Variants in STAT2 observed in about 807,000 individuals in gnomAD.
STAT2 encodes signal transducer and activator of transcription 2, also known as interferon alpha induced transcriptional activator.
Under a neutral mutation model 122.3 loss-of-function variants are expected in STAT2, and 51 were observed. That is an observed-to-expected ratio of 0.42 (90% CI 0.33 to 0.53). The LOEUF is 0.53. Among genes scored for constraint, STAT2 ranks in the 20% least tolerant of loss-of-function variants. The probability of loss-of-function intolerance (pLI) is 0.10; values close to 1 mark genes in which losing one functional copy is unlikely to be tolerated. For synonymous variants in STAT2, 351 were observed against 394.9 expected, an observed-to-expected ratio of 0.89 and a Z score of 1.32; for missense variants, 736 against 1,010.3, an observed-to-expected ratio of 0.73 and a Z score of 3.68.
At chr12:56,349,738 C>T in intron 13 of STAT2, 102 bp from the exon 14 acceptor site, 1 of 1,469,068 alleles carries the variant, frequency 6.8e-7, no homozygotes, top group Middle Eastern at 1.8e-4. Context: ...GGAACTTCCC[C>T]CAACCCCTGT....
intron 23 of STAT2, 55 bp from the exon 24 acceptor site, chr12:56,343,586 C>T: frequency 6.3e-7 from 1 of 1,586,160 alleles, no homozygotes; most frequent in East Asian, 2.2e-5. Flanking sequence ...AGTTCCCAAC[C>T]CAGCAGGGAA....
At chr12:56,357,026 ATTTT>A (rs34402362) in intron 1 of STAT2, among the ~76,000 whole-genome samples, 9,513 of 66,388 alleles carry the variant, frequency 0.14, 1,755 homozygotes, top group African/African-American at 0.47. Context: ...CCTAATCTGT[ATTTT>A]TTTTTTTTTT....
intron 1 of STAT2, among the ~76,000 whole-genome samples, chr12:56,357,085 G>A (rs1373110841): frequency 2.0e-5 from 3 of 146,482 alleles, no homozygotes; most frequent in African/African-American, 5.1e-5. Flanking sequence ...TGCCTGGGCC[G>A]GAGTGAAGTG....
rs1877915798 is a variant in STAT2, at chr12:56,348,623, G to A, written c.1630C>T (p.Arg544Ter). The A allele has an allele frequency of 6.2e-7, 1 of 1,614,182 alleles. No homozygotes were observed. Among genetic ancestry groups the A allele is most frequent in the Non-Finnish European group, 8.5e-7 (1 of 1,180,046 alleles). ...PLLSWADFTK[R>*]ESPPGKLPFW... ...GGTAACTTGCCAGGAGGGCTCTCTC[G>A]CTGGAGGAGGAATGGAAAGGTAGCA... The change falls in exon 19 of 24, where the codon CGA (arginine) becomes TGA (stop). Residue 544 changes from arginine (R) to a stop codon, truncating the protein, a stop_gained and splice_region_variant. Transcript: ENST00000314128. LOFTEE classifies it high-confidence loss of function.
In STAT2 at chr12:56,353,348, G is replaced by T. The variant is rs910837093; in HGVS notation, c.782+1118C>A. On this transcript the variant is annotated intron_variant, in intron 8 of 23. Coordinates refer to ENST00000314128, the MANE Select transcript of STAT2 (RefSeq NM_005419.4). Reference sequence around the variant, plus strand: ...GGGTCTTGTTATGTTTCCCGGGCTGGTCTCAAACCCCAAGACTGAAGTGAT... The same window carrying T: ...GGGTCTTGTTATGTTTCCCGGGCTGTTCTCAAACCCCAAGACTGAAGTGAT... 1.1e-4 allele frequency among the ~76,000 whole-genome samples: 17 copies of T among 150,494 alleles called. No homozygotes were observed. The East Asian group carries it at 2.1e-3, about 19-fold the overall frequency.
At chr12:56,349,401 C>T in intron 15 of STAT2, 25 bp downstream of exon 15, 1 of 1,614,184 alleles carries the variant, frequency 6.2e-7, no homozygotes, top group Non-Finnish European at 8.5e-7. Flanking sequence ...TGCTTTCTCT[C>T]TCCTTGCCCT....
At chr12:56,351,499 C>T in intron 8 of STAT2, 49 bp from the exon 9 acceptor site, 2 of 1,581,824 alleles carry the variant, frequency 1.3e-6, no homozygotes, top group Non-Finnish European at 1.7e-6. Context: ...TCCTGGATTC[C>T]CCCATCCAGG....
intron 22 of STAT2, among the ~76,000 whole-genome samples, chr12:56,345,295 G>C (rs1877208771): frequency 6.7e-6 from 1 of 149,296 alleles, no homozygotes; most frequent in African/African-American, 2.5e-5. Context: ...TTCAAGACCA[G>C]CCTGGGCAAC....
Position 56,343,440 on chromosome 12 carries a change from G to C in STAT2, c.2505C>G (p.Ser835=), listed in dbSNP as rs757860633. 6.2e-7 allele frequency: 1 copy of C among 1,614,104 alleles called. No individual in the cohort carries two copies. The highest frequency in any genetic ancestry group is 8.5e-7 in the Non-Finnish European group (1 of 1,179,998). Residue 835 remains serine (S), a synonymous_variant, in exon 24 of 24, where the codon TCC becomes TCG. Transcript: ENST00000314128. ...CATCAGTGTAGAAGTGGCTGGGGCG[G>C]GAGACGTAAACCTCATCCACGGTGT... ...GQNTVDEVYV[S]RPSHFYTDGP...
Position 56,360,003 on chromosome 12 carries a change from G to T in STAT2, c.-8+55C>A, listed in dbSNP as rs2136105784. ...GGGGCCAGTCGCCCTTCCCTCGGAG[G>T]AACTCTCACTCTCACCCCCACCCCT... On this transcript the variant is annotated intron_variant, in intron 1 of 23. Transcript: ENST00000314128. The T allele has an allele frequency of 5.1e-6, 5 of 975,802 alleles. No homozygotes were observed. In the South Asian group the frequency reaches 2.4e-4, roughly 46 times the overall value. The allele number at this position is 975,802 out of a possible 1,614,324, so 60.4% of individuals were successfully genotyped here. A position where few individuals can be genotyped will look rare whatever the true frequency, so the allele number is the denominator to read the frequency against.
In STAT2 at chr12:56,351,459, T is replaced by G. The variant is rs1306225764; in HGVS notation, c.783-9A>C. 1.2e-6 allele frequency: 2 copies of G among 1,610,972 alleles called. No individual in the cohort carries two copies. The highest frequency in any genetic ancestry group is 2.2e-5 in the South Asian group (2 of 90,640). On this transcript the variant is annotated splice_polypyrimidine_tract_variant and intron_variant, in intron 8 of 23. Coordinates refer to ENST00000314128, the MANE Select transcript of STAT2 (RefSeq NM_005419.4). Reference sequence around the variant, plus strand: ...TTGCTCCAGCTGTGAACCTGGGTGATAAAATTCAGGAAGAAGGAATCCATG... The same window carrying G: ...TTGCTCCAGCTGTGAACCTGGGTGAGAAAATTCAGGAAGAAGGAATCCATG...
Position 56,344,092 on chromosome 12 carries a change from G to C in STAT2, c.2146C>G (p.Pro716Ala), listed in dbSNP as rs756049228. ...TCCAGCTCTAATGACTCCAGCTCTG[G>C]CTCTGGCTTAAGCTCCAGCGGTTGT... Reference protein sequence around the residue: ...LQQPLELKPEPELESLELELG... With the variant: ...LQQPLELKPEAELESLELELG... Residue 716 changes from proline to alanine, a missense_variant, in exon 23 of 24, where the codon CCA becomes GCA. Transcript: ENST00000314128. 6.3e-7 allele frequency: 1 copy of C among 1,582,734 alleles called. No individual in the cohort carries two copies. The highest frequency in any genetic ancestry group is 1.9e-5 in the Admixed American group (1 of 53,966).
intron 13 of STAT2, 166 bp downstream of exon 13, chr12:56,349,931 C>T (rs1878179925): frequency 4.4e-6 from 3 of 684,176 alleles, no homozygotes; most frequent in Admixed American, 2.7e-5. Context: ...TGCCTATAGT[C>T]TCAGCTACTC....
At chr12:56,349,678 C>A in intron 13 of STAT2, 42 bp from the exon 14 acceptor site, 2 of 1,613,582 alleles carry the variant, frequency 1.2e-6, no homozygotes. Context: ...AGAGTGGGCA[C>A]CCTAGTGTCC....
At chr12:56,349,326 G>A (rs748439193) in intron 15 of STAT2, 65 bp from the exon 16 acceptor site, 1 of 1,614,068 alleles carries the variant, frequency 6.2e-7, no homozygotes, top group Admixed American at 1.7e-5. Context: ...TTTGTTAGAG[G>A]AAAGGAGTGC....
At chr12:56,345,316 C>T (rs1166497773) in intron 22 of STAT2, among the ~76,000 whole-genome samples, 2 of 148,598 alleles carry the variant, frequency 1.3e-5, no homozygotes, top group Non-Finnish European at 3.0e-5. Context: ...ACAGTGATAC[C>T]CCATCCCTAC....
In STAT2 at chr12:56,356,156, C is replaced by G; in HGVS notation, c.261G>C (p.Leu87Phe). Residue 87 changes from leucine to phenylalanine, a missense_variant, in exon 3 of 24, where the codon TTG (leucine) becomes TTC (phenylalanine). By Grantham distance (22) the Leu-to-Phe change is conservative (BLOSUM62 0). Transcript: ENST00000314128. The stretch of plus-strand genomic sequence containing the variant: ...CCTGAATGTCCCGGCAGAATTTCCG[C>G]AAATTGTGCTGCAGCAACAAGGACT... ...DPESLLLQHNLRKFCRDIQPF... is the reference protein window; with the variant it reads ...DPESLLLQHNFRKFCRDIQPF... 1 of 1,614,120 alleles carries G rather than the reference C, an allele frequency of 6.2e-7. No homozygotes were observed. The highest frequency in any genetic ancestry group is 8.5e-7 in the Non-Finnish European group (1 of 1,179,972).
chr12:56,355,146 C>A, intron 6 of STAT2, 130 bp downstream of exon 6: 2 of 1,097,108 alleles, frequency 1.8e-6, no homozygotes, highest in Non-Finnish European at 2.7e-6. Context: ...CTTTGCACGG[C>A]AGCAGGACTG....
Position 56,356,526 on chromosome 12 carries a change from C to T in STAT2, c.46G>A (p.Asp16Asn). 1.9e-6 allele frequency: 3 copies of T among 1,614,120 alleles called. No homozygotes were observed. Among genetic ancestry groups the T allele is most frequent in the Non-Finnish European group, 2.5e-6 (3 of 1,180,052 alleles). ...MLQNLDSPFQ[D>N]QLHQLYSHSL... Reference sequence around the variant, plus strand: ...TGCGAGTAAAGCTGGTGCAGCTGATCCTGAAAGGGGCTGTCAAGATTCTGC... The same window carrying T: ...TGCGAGTAAAGCTGGTGCAGCTGATTCTGAAAGGGGCTGTCAAGATTCTGC... Residue 16 changes from aspartate (D) to asparagine (N), a missense_variant, in exon 2 of 24, where the codon GAT (aspartate) becomes AAT (asparagine). Transcript: ENST00000314128.
Sources: allele counts gnomAD v4.1 joint callset (sites outside exome capture counted in the v4.1 genomes callset), GRCh38; gene constraint gnomAD v4.1.1; transcripts MANE v1.5; gene names NCBI Gene and HGNC (gene_info 2026-07-23, HGNC 2026-07-21).